Variants in CBFA2T2 observed in about 807,000 individuals in gnomAD.
CBFA2T2 encodes the protein CBFA2/RUNX1 partner transcriptional co-repressor 2, also known as protein CBFA2T2.
Under a neutral mutation model 62.2 loss-of-function variants are expected in CBFA2T2, and 11 were observed. The ratio of observed to expected loss-of-function variants is 0.18; its 90% CI spans 0.11 to 0.29. The LOEUF (loss-of-function observed/expected upper bound fraction) is 0.29, where lower values mean the gene tolerates loss of function less well. Ranked by LOEUF, CBFA2T2 falls within the 10% of genes least tolerant of loss-of-function variation. The pLI, the probability that CBFA2T2 is intolerant of heterozygous loss-of-function variation, is 1.00. For missense variants in CBFA2T2, 592 were observed against 774.1 expected (o/e 0.76, Z 2.79); for synonymous variants, 295 against 287.5 (o/e 1.03, Z -0.27).
At chr20:33,635,789 G>A (rs1211460376) in intron 8 of CBFA2T2, among the ~76,000 whole-genome samples, 2 of 152,130 alleles carry the variant, frequency 1.3e-5, no homozygotes, top group African/African-American at 2.4e-5. Context: ...GAGGCAGGAT[G>A]ACCTGAGCCC....
rs11419778 is a variant in CBFA2T2 at position 33,624,336 on chromosome 20, TA to T, written c.693-414del. On this transcript the variant is annotated intron_variant, in intron 5 of 10. Coordinates refer to ENST00000342704, the MANE Select transcript of CBFA2T2 (RefSeq NM_001032999.3). The stretch of plus-strand genomic sequence containing the variant: ...GACCCACTGTTAATTTGACTGGCTT[TA>T]AAAAAAAAAAAAAGACACAATTGGA... 8.0e-3 allele frequency among the ~76,000 whole-genome samples: 1,154 copies of T among 143,476 alleles called. 1 individual carries two copies. Among genetic ancestry groups the T allele is most frequent in the Middle Eastern group, 0.022 (6 of 278 alleles). 94.1% of individuals were successfully genotyped at this position (143,476 alleles called of 152,430 possible).
intron 1 of CBFA2T2, among the ~76,000 whole-genome samples, chr20:33,606,262 G>A (rs2015335731): frequency 6.6e-6 from 1 of 152,156 alleles, no homozygotes; most frequent in Admixed American, 6.5e-5. Flanking sequence ...AAATGCATTT[G>A]AGGTAAGCTA....
intron 1 of CBFA2T2, among the ~76,000 whole-genome samples, chr20:33,547,801 T>C (rs2146882646): frequency 6.6e-6 from 1 of 152,196 alleles, no homozygotes; most frequent in East Asian, 1.9e-4. Context: ...GCACTCCCAG[T>C]ATTTTGAATG....
intron 1 of CBFA2T2, among the ~76,000 whole-genome samples, chr20:33,512,110 G>T (rs1029822261): frequency 6.6e-6 from 1 of 151,722 alleles, no homozygotes; most frequent in African/African-American, 2.4e-5. Context: ...CCGGGAGGGG[G>T]AGGTTGCAGT....
At chr20:33,530,440 CAG>C (rs1322568282) in intron 1 of CBFA2T2, among the ~76,000 whole-genome samples, 2 of 151,866 alleles carry the variant, frequency 1.3e-5, no homozygotes, top group Non-Finnish European at 2.9e-5. Context: ...TTTTTTGAAA[CAG>C]AGTCTCACTC....
intron 1 of CBFA2T2, among the ~76,000 whole-genome samples, chr20:33,596,402 A>G (rs1469681726): frequency 6.6e-6 from 1 of 152,226 alleles, no homozygotes. Context: ...CATTTTATTA[A>G]TCACTGGTCT....
chr20:33,562,501 A>G, intron 1 of CBFA2T2: 62 of 985,898 alleles, frequency 6.3e-5, no homozygotes, highest in Non-Finnish European at 7.3e-5. Context: ...AGTCAGTGAG[A>G]AATCGCAGAT....
chr20:33,502,437 C>T (rs764269033), intron 1 of CBFA2T2, among the ~76,000 whole-genome samples: 2 of 151,120 alleles, frequency 1.3e-5, no homozygotes, highest in African/African-American at 2.4e-5. Flanking sequence ...GACGGAGTCT[C>T]GCTCTGTCGC....
intron 1 of CBFA2T2, among the ~76,000 whole-genome samples, chr20:33,563,622 C>G (rs1272928466): frequency 6.6e-6 from 1 of 152,050 alleles, no homozygotes; most frequent in Non-Finnish European, 1.5e-5. Context: ...ACTGTGTACC[C>G]ATTATTTACT....
At chr20:33,629,024 G>A (rs1385875733) in intron 7 of CBFA2T2, among the ~76,000 whole-genome samples, 4 of 152,192 alleles carry the variant, frequency 2.6e-5, no homozygotes, top group Admixed American at 1.3e-4. Context: ...CCAGCTACTC[G>A]GGAAGCTAAG....
intron 1 of CBFA2T2, among the ~76,000 whole-genome samples, chr20:33,556,794 G>A (rs984392680): frequency 7.2e-5 from 11 of 151,986 alleles, no homozygotes; most frequent in East Asian, 5.8e-4. Context: ...TTCTAATGAA[G>A]GAATGCTTTC....
chr20:33,529,024 T>G (rs1328586391), intron 1 of CBFA2T2, among the ~76,000 whole-genome samples: 2 of 151,880 alleles, frequency 1.3e-5, no homozygotes, highest in African/African-American at 2.4e-5. Context: ...TGTTTGTTTT[T>G]TTTGTTTGTT....
chr20:33,626,304 A>G (rs768265003), intron 6 of CBFA2T2, among the ~76,000 whole-genome samples: 3 of 152,188 alleles, frequency 2.0e-5, no homozygotes, highest in Non-Finnish European at 4.4e-5. Flanking sequence ...TTGGAGGAGA[A>G]AGTGCATGGA....
At chr20:33,643,825 ATGTGTGTGTGTGTGTG>A (rs58366038) in intron 10 of CBFA2T2, among the ~76,000 whole-genome samples, 10 of 73,368 alleles carry the variant, frequency 1.4e-4, no homozygotes, top group African/African-American at 1.8e-4. Flanking sequence ...ATAGTATATA[ATGTGTGTGTGTGTGTG>A]TGTGTGTGTG....
chr20:33,518,481 G>C (rs781594319), intron 1 of CBFA2T2, among the ~76,000 whole-genome samples: 1 of 151,954 alleles, frequency 6.6e-6, no homozygotes, highest in African/African-American at 2.4e-5. Context: ...GAATTTGTCA[G>C]ACCAGGCACG....
intron 1 of CBFA2T2, among the ~76,000 whole-genome samples, chr20:33,547,968 G>A (rs1405748617): frequency 6.6e-6 from 1 of 151,968 alleles, no homozygotes; most frequent in African/African-American, 2.4e-5. Flanking sequence ...TGGAGAATGG[G>A]GTCTTGCTGT....
chr20:33,515,106 T>C (rs2011576840), intron 1 of CBFA2T2, among the ~76,000 whole-genome samples: 1 of 150,934 alleles, frequency 6.6e-6, no homozygotes, highest in African/African-American at 2.4e-5. Flanking sequence ...CACAGCACTT[T>C]GGGAGGCCGA....
chr20:33,595,357 G>T (rs554942753), intron 1 of CBFA2T2, among the ~76,000 whole-genome samples: 1 of 151,826 alleles, frequency 6.6e-6, no homozygotes, highest in East Asian at 1.9e-4. Flanking sequence ...GACTACAGGC[G>T]CACACCACCA....
chr20:33,504,065 G>T (rs551821385), intron 1 of CBFA2T2, among the ~76,000 whole-genome samples: 1 of 152,104 alleles, frequency 6.6e-6, no homozygotes, highest in African/African-American at 2.4e-5. Flanking sequence ...TTTTATGGGG[G>T]TTTTTGTTTG....
Sources: allele counts gnomAD v4.1 joint callset (sites outside exome capture counted in the v4.1 genomes callset), GRCh38; gene constraint gnomAD v4.1.1; transcripts MANE v1.5; gene names NCBI Gene and HGNC (gene_info 2026-07-23, HGNC 2026-07-21).